SOX6: variants seen among roughly 807,000 people sequenced by gnomAD.
SOX6 encodes transcription factor SOX-6.
In SOX6, 11 loss-of-function variants were observed where a neutral mutation model predicts 97.8. The observed-to-expected ratio is 0.11, with a 90% CI of 0.07 to 0.19. The LOEUF (loss-of-function observed/expected upper bound fraction) is 0.19. Among genes scored for constraint, SOX6 ranks in the 10% least tolerant of loss-of-function variants. SOX6 has a pLI of 1.00. For synonymous variants in SOX6, 360 were observed against 371.4 expected (o/e 0.97, Z 0.35); for missense variants, 810 against 1,039.5 (o/e 0.78, Z 3.04).
chr11:16,606,003 T>G (rs915793832), intron 4 of SOX6: 1 of 152,204 alleles, frequency 6.6e-6, no homozygotes, highest in African/African-American at 2.4e-5. Flanking sequence ...GATCAGCCCT[T>G]GGATGAGGGT....
At chr11:16,384,614 C>G (rs1325561194) in intron 1 of SOX6, among the ~76,000 whole-genome samples, 1 of 151,740 alleles carries the variant, frequency 6.6e-6, no homozygotes, top group Non-Finnish European at 1.5e-5. Context: ...GTTTAAACAA[C>G]TCTAGGAAAA....
Position 15,972,826 on chromosome 11 carries a change from C to A in SOX6, c.2470G>T (p.Ala824Ser), listed in dbSNP as rs913677466. The change falls in exon 16 of 16, where the codon GCT becomes TCT. Residue 824 changes from alanine (A) to serine (S), a missense_variant. Physicochemically the swap from Ala to Ser is moderately conservative, Grantham distance 99 (BLOSUM62 1). Coordinates refer to ENST00000683767, the MANE Select transcript of SOX6 (RefSeq NM_001367873.1). The part of the protein sequence containing the change: ...DYSSENEAPE[A>S]VSAN ...AAAACTCCTCAGTTGGCACTGACAG[C>A]CTCCGGGGCTTCATTTTCACTGCTA... 1.2e-6 allele frequency: 2 copies of A among 1,614,196 alleles called. No homozygotes were observed. The highest frequency in any genetic ancestry group is 1.7e-4 in the Middle Eastern group (1 of 6,060).
At chr11:16,021,705 C>T (rs1855064360) in intron 12 of SOX6, among the ~76,000 whole-genome samples, 1 of 151,986 alleles carries the variant, frequency 6.6e-6, no homozygotes, top group African/African-American at 2.4e-5. Context: ...TCTAGTTTCT[C>T]ATACATTTTT....
intron 13 of SOX6, among the ~76,000 whole-genome samples, chr11:16,011,543 C>T (rs1488984065): frequency 1.3e-5 from 2 of 152,112 alleles, no homozygotes; most frequent in Middle Eastern, 3.2e-3. Context: ...GGTTAATACA[C>T]ATCCACAGCT....
Position 16,259,945 on chromosome 11 carries a change from A to ATATGTGTGTGTGTGTGTG in SOX6, c.446-25275_446-25274insCACACACACACACACATA, listed in dbSNP as rs3059123. Among the ~76,000 whole-genome samples, 390 of 149,140 alleles carry ATATGTGTGTGTGTGTGTG rather than the reference A, an allele frequency of 2.6e-3. 1 individual carries two copies. Among genetic ancestry groups the ATATGTGTGTGTGTGTGTG allele is most frequent in the Middle Eastern group, 7.0e-3 (2 of 286 alleles). ...CATGTTATACTTCAATGTCCCAAAT[A>ATATGTGTGTGTGTGTGTG]TGTGTGTGTGTGTGTGTGTGTGTGT... On this transcript the variant is annotated intron_variant, in intron 3 of 15. Transcript: ENST00000683767.
At chr11:16,371,147 C>T (rs1368320729) in intron 1 of SOX6, among the ~76,000 whole-genome samples, 1 of 151,956 alleles carries the variant, frequency 6.6e-6, no homozygotes, top group African/African-American at 2.4e-5. Flanking sequence ...TATTATTTCC[C>T]CCCTTCACTC....
chr11:16,525,810 C>A (rs1432103443), intron 4 of SOX6, among the ~76,000 whole-genome samples: 11 of 152,094 alleles, frequency 7.2e-5, no homozygotes, highest in South Asian at 6.2e-4. Context: ...ACCCCATCAA[C>A]AAGTGGGCGA....
At chr11:16,246,073 T>C (rs952895919) in intron 3 of SOX6, among the ~76,000 whole-genome samples, 1 of 151,422 alleles carries the variant, frequency 6.6e-6, no homozygotes, top group Admixed American at 6.6e-5. Flanking sequence ...TACCTCTTTA[T>C]TTCATTATTT....
chr11:16,505,425 A>G (rs1590226635), intron 4 of SOX6, among the ~76,000 whole-genome samples: 3 of 152,196 alleles, frequency 2.0e-5, no homozygotes, highest in Non-Finnish European at 4.4e-5. Flanking sequence ...CCAACGGCAT[A>G]TGTTTATATT....
intron 6 of SOX6, among the ~76,000 whole-genome samples, chr11:16,132,386 G>GAAA (rs1208040567): frequency 1.3e-5 from 1 of 79,480 alleles, no homozygotes; most frequent in Non-Finnish European, 2.3e-5. Context: ...AAGAAAGAAA[G>GAAA]AAAGAAAGAA....
At chr11:16,117,701 T>C (rs756208032) in intron 6 of SOX6, among the ~76,000 whole-genome samples, 1 of 152,128 alleles carries the variant, frequency 6.6e-6, no homozygotes, top group African/African-American at 2.4e-5. Context: ...CTGCACTGAG[T>C]GCCAGTGCTT....
At chr11:16,591,023 T>C (rs549993024) in intron 4 of SOX6, among the ~76,000 whole-genome samples, 1 of 152,122 alleles carries the variant, frequency 6.6e-6, no homozygotes, top group Non-Finnish European at 1.5e-5. Flanking sequence ...TATTATGCAA[T>C]GTATGCCTGT....
intron 4 of SOX6, among the ~76,000 whole-genome samples, chr11:16,579,035 A>G (rs1327865447): frequency 2.0e-5 from 3 of 152,082 alleles, no homozygotes; most frequent in Non-Finnish European, 4.4e-5. Context: ...CTGTGATTCT[A>G]TTATCCCAAA....
At chr11:16,349,901 C>T (rs1188279916) in intron 1 of SOX6, among the ~76,000 whole-genome samples, 1 of 152,118 alleles carries the variant, frequency 6.6e-6, no homozygotes, top group Non-Finnish European at 1.5e-5. Context: ...CCCATTTTAA[C>T]CATTTCATTT....
intron 3 of SOX6, among the ~76,000 whole-genome samples, chr11:16,278,934 T>C (rs948234351): frequency 1.3e-5 from 2 of 152,102 alleles, no homozygotes; most frequent in Non-Finnish European, 2.9e-5. Flanking sequence ...TAGGTTCAAA[T>C]GGTAAATGAT....
intron 3 of SOX6, among the ~76,000 whole-genome samples, chr11:16,676,858 G>A (rs980662141): frequency 2.0e-5 from 3 of 151,420 alleles, no homozygotes; most frequent in African/African-American, 4.9e-5. Flanking sequence ...AAGTCATTCC[G>A]AGAAGAAAAC....
chr11:16,637,914 T>C (rs937187918), intron 3 of SOX6, among the ~76,000 whole-genome samples: 24 of 140,728 alleles, frequency 1.7e-4, no homozygotes, highest in African/African-American at 5.7e-4. Context: ...GGTCTCATTC[T>C]TTTTTTTTTT....
At chr11:16,123,506 G>T (rs1028943363) in intron 6 of SOX6, among the ~76,000 whole-genome samples, 9 of 152,020 alleles carry the variant, frequency 5.9e-5, no homozygotes, top group African/African-American at 2.2e-4. Context: ...ATAAAAACTA[G>T]ATACCAAGGA....
intron 13 of SOX6, among the ~76,000 whole-genome samples, chr11:15,995,676 C>G (rs555234747): frequency 1.9e-4 from 29 of 152,062 alleles, no homozygotes; most frequent in Middle Eastern, 3.4e-3. Context: ...TACAACAAAA[C>G]CACACCTAGA....
Sources: allele counts gnomAD v4.1 joint callset (sites outside exome capture counted in the v4.1 genomes callset), GRCh38; gene constraint gnomAD v4.1.1; transcripts MANE v1.5; gene names NCBI Gene and HGNC (gene_info 2026-07-23, HGNC 2026-07-21).